The following PCDHA2 variants were observed in gnomAD, a reference collection of about 807,000 sequenced individuals.
The protein encoded by PCDHA2 is protocadherin alpha 2, also known as protocadherin alpha-2.
A neutral mutation model predicts 66.0 loss-of-function variants in PCDHA2; 58 were observed. That is an observed-to-expected ratio of 0.88 (90% CI 0.71 to 1.09). The LOEUF is 1.09. Among genes scored for constraint, PCDHA2 ranks in the 50% least tolerant of loss-of-function variants. PCDHA2 has a pLI of 0.00. For synonymous variants in PCDHA2, 634 were observed against 554.0 expected (o/e 1.14, Z -2.03); for missense variants, 1,267 against 1,242.3 (o/e 1.02, Z -0.30).
chr5:140,829,529 C>A (rs2150169515), intron 1 of PCDHA2: 1 of 1,613,272 alleles, frequency 6.2e-7, no homozygotes, highest in Non-Finnish European at 8.5e-7. Context: ...GGTGTCTGCG[C>A]GAGACGCGGA....
At chr5:140,840,962 C>T (rs188711112) in intron 1 of PCDHA2, among the ~76,000 whole-genome samples, 3 of 152,096 alleles carry the variant, frequency 2.0e-5, no homozygotes, top group African/African-American at 7.2e-5. Flanking sequence ...AAATTCCTTT[C>T]CTTATGAAGA....
At chr5:140,971,752 A>C (rs1367685618) in intron 1 of PCDHA2, among the ~76,000 whole-genome samples, 2 of 138,248 alleles carry the variant, frequency 1.4e-5, no homozygotes, top group Non-Finnish European at 3.3e-5. Context: ...TATATCTCAT[A>C]TTACTGAATC....
intron 1 of PCDHA2, chr5:140,808,329 T>C: frequency 6.2e-7 from 1 of 1,614,258 alleles, no homozygotes; most frequent in Non-Finnish European, 8.5e-7. Flanking sequence ...GACATGGGTG[T>C]CAATGGGCTG....
At chr5:140,954,889 G>C (rs2095106564) in intron 1 of PCDHA2, among the ~76,000 whole-genome samples, 1 of 152,070 alleles carries the variant, frequency 6.6e-6, no homozygotes, top group East Asian at 1.9e-4. Flanking sequence ...TTCTTCTAGG[G>C]TTTTTATAGT....
At chr5:140,849,988 G>C in intron 1 of PCDHA2, 2 of 1,597,364 alleles carry the variant, frequency 1.3e-6, no homozygotes, top group South Asian at 1.1e-5. Context: ...GTGGAGCGGC[G>C]GTTGGGCGAG....
chr5:140,985,416 G>A (rs1554247041), intron 3 of PCDHA2, among the ~76,000 whole-genome samples: 1 of 152,142 alleles, frequency 6.6e-6, no homozygotes, highest in Non-Finnish European at 1.5e-5. Flanking sequence ...GAAATGGAGT[G>A]AGGAGGATTT....
At chr5:140,804,755 G>GCAAT (rs1322058391) in intron 1 of PCDHA2, 1 of 227,750 alleles carries the variant, frequency 4.4e-6, no homozygotes, top group Non-Finnish European at 8.5e-6. Flanking sequence ...ATCTCCTCTA[G>GCAAT]CAATTAGTTG....
At chr5:140,989,555 T>G (rs923190578) in intron 3 of PCDHA2, among the ~76,000 whole-genome samples, 1 of 152,204 alleles carries the variant, frequency 6.6e-6, no homozygotes, top group African/African-American at 2.4e-5. Flanking sequence ...CCTTTACGTT[T>G]TGTGGCTCCG....
At chr5:140,920,746 A>AG (rs1190651507) in intron 1 of PCDHA2, among the ~76,000 whole-genome samples, 2 of 151,430 alleles carry the variant, frequency 1.3e-5, no homozygotes, top group African/African-American at 4.8e-5. Context: ...CAGGAGGCTG[A>AG]GGCAGGAGAA....
chr5:141,000,403 A>C (rs1233777704), intron 3 of PCDHA2, among the ~76,000 whole-genome samples: 120 of 84,052 alleles, frequency 1.4e-3, no homozygotes, highest in East Asian at 4.6e-3. Context: ...CTCTATATAT[A>C]TATATATATA....
At chr5:141,006,622 T>C (rs555577523) in intron 3 of PCDHA2, among the ~76,000 whole-genome samples, 21 of 152,132 alleles carry the variant, frequency 1.4e-4, no homozygotes, top group Non-Finnish European at 7.3e-5. Flanking sequence ...AAGGAGACTA[T>C]TGCTGCAATT....
At chr5:140,814,961 A>C (rs1171415447) in intron 1 of PCDHA2, 3 of 152,138 alleles carry the variant, frequency 2.0e-5, no homozygotes, top group African/African-American at 7.2e-5. Flanking sequence ...CTCTTATGAC[A>C]CTTTTTGACT....
At chr5:140,870,053 T>C (rs782629825) in intron 1 of PCDHA2, 4 of 1,613,810 alleles carry the variant, frequency 2.5e-6, no homozygotes, top group Middle Eastern at 1.6e-4. Context: ...TTTTATAAAA[T>C]TGAAGTACAG....
intron 1 of PCDHA2, chr5:140,801,928 G>A: frequency 6.2e-7 from 1 of 1,614,174 alleles, no homozygotes; most frequent in Non-Finnish European, 8.5e-7. Context: ...GCGTTTGAGA[G>A]GACGATCTAT....
chr5:140,876,967 G>T lies in PCDHA2; in HGVS notation c.2388+79615G>T, dbSNP rs200960356. On this transcript the variant is annotated intron_variant, in intron 1 of 3. Coordinates refer to ENST00000526136, the MANE Select transcript of PCDHA2 (RefSeq NM_018905.3). ...GTCCTACTCGCTGGTGGAGCGGCGG[G>T]TGGGCGAGCACGCACTGTCGAGCTA... The T allele has an allele frequency of 3.1e-6, 5 of 1,613,050 alleles. No homozygotes were observed. The South Asian group carries it at 3.3e-5, about 11-fold the overall frequency.
At chr5:140,964,183 C>A (rs1422782402) in intron 1 of PCDHA2, among the ~76,000 whole-genome samples, 2 of 152,164 alleles carry the variant, frequency 1.3e-5, no homozygotes, top group Non-Finnish European at 2.9e-5. Context: ...CATTATAGTG[C>A]CAAATAGAGT....
intron 1 of PCDHA2, among the ~76,000 whole-genome samples, chr5:140,800,224 C>A (rs1762527478): frequency 6.6e-6 from 1 of 151,934 alleles, no homozygotes; most frequent in Non-Finnish European, 1.5e-5. Flanking sequence ...GTGAGTGTAA[C>A]AAATATACAA....
intron 1 of PCDHA2, among the ~76,000 whole-genome samples, chr5:140,900,728 C>A (rs2068258961): frequency 1.3e-5 from 2 of 152,188 alleles, no homozygotes; most frequent in Non-Finnish European, 2.9e-5. Flanking sequence ...TCCTACCTAG[C>A]AGTGGGATTT....
In PCDHA2 at chr5:140,796,260, G is replaced by T. The variant is rs1554119795; in HGVS notation, c.1296G>T (p.Ser432=). 1 of 1,614,096 alleles carries T rather than the reference G, an allele frequency of 6.2e-7. No individual in the cohort carries two copies. The highest frequency in any genetic ancestry group is 2.2e-5 in the East Asian group (1 of 44,894). Residue 432 remains serine (S), a synonymous_variant, in exon 1 of 4, where the codon TCG becomes TCT. Coordinates refer to ENST00000526136, the MANE Select transcript of PCDHA2 (RefSeq NM_018905.3). The part of the protein sequence containing the change: ...ELVVTARDGG[S]PSLWATTSVS... Reference sequence around the variant, plus strand: ...TGGTGACCGCACGGGACGGGGGCTCGCCTTCACTGTGGGCCACCACCAGCG... The same window carrying T: ...TGGTGACCGCACGGGACGGGGGCTCTCCTTCACTGTGGGCCACCACCAGCG...
Sources: gnomAD v4.1 joint callset for allele counts (sites outside exome capture counted in the v4.1 genomes callset) on GRCh38, gnomAD v4.1.1 for gene constraint, MANE v1.5 for transcripts, NCBI Gene and HGNC (gene_info 2026-07-23, HGNC 2026-07-21) for gene names.